ITPR2: variants seen among roughly 807,000 people sequenced by gnomAD.
The protein encoded by ITPR2 is inositol 1,4,5-trisphosphate receptor type 2, also known as inositol 1,4,5-trisphosphate-gated calcium channel ITPR2.
ITPR2 carries 207 observed loss-of-function variants against 317.1 expected under a neutral mutation model. The observed-to-expected ratio is 0.65, with a 90% CI of 0.58 to 0.73. The LOEUF is 0.73. Among genes scored for constraint, ITPR2 ranks in the 30% least tolerant of loss-of-function variants. The pLI is 0.00. For missense variants in ITPR2, 2,613 were observed against 3,284.0 expected, an observed-to-expected ratio of 0.80 and a Z score of 4.99; for synonymous variants, 1,156 against 1,149.1, an observed-to-expected ratio of 1.01 and a Z score of -0.12.
At chr12:26,599,935 C>G (rs897308051) in intron 29 of ITPR2, 52 bp downstream of exon 29, 1 of 1,423,864 alleles carries the variant, frequency 7.0e-7, no homozygotes, top group African/African-American at 1.4e-5. Context: ...GTTACTGAGA[C>G]AAATTTGATG....
Position 26,655,754 on chromosome 12 carries a change from T to C in ITPR2, c.2543A>G (p.Gln848Arg). 3 of 1,613,484 alleles carry C rather than the reference T, an allele frequency of 1.9e-6. No individual in the cohort carries two copies. Among genetic ancestry groups the C allele is most frequent in the Non-Finnish European group, 2.5e-6 (3 of 1,179,616 alleles). Residue 848 changes from glutamine to arginine, a missense_variant, in exon 20 of 57, where the codon CAG becomes CGG. Physicochemically the swap from Gln to Arg is conservative, Grantham distance 43. Around this residue, in one of 9 missense-constraint regions of ITPR2, gnomAD observed 817 missense variants for 897.6 expected, o/e 0.91. Coordinates refer to ENST00000381340, the MANE Select transcript of ITPR2 (RefSeq NM_002223.4). ...VEEYLKEVVNQPFPFGDKEKN... is the reference protein window; with the variant it reads ...VEEYLKEVVNRPFPFGDKEKN... The stretch of plus-strand genomic sequence containing the variant: ...TTCTTTATCCCCAAAAGGAAAGGGC[T>C]GGTTTACAACTTCTTTCAAATATTC...
intron 13 of ITPR2, among the ~76,000 whole-genome samples, chr12:26,668,558 TC>T (rs1037110420): frequency 3.3e-5 from 5 of 151,640 alleles, no homozygotes; most frequent in African/African-American, 1.2e-4. Flanking sequence ...AAAACAAAAA[TC>T]TCCCACCTAA....
intron 55 of ITPR2, among the ~76,000 whole-genome samples, chr12:26,362,526 T>C (rs1938866444): frequency 6.6e-6 from 1 of 152,156 alleles, no homozygotes; most frequent in African/African-American, 2.4e-5. Flanking sequence ...TTACTGTCTA[T>C]CTCTTCCTCA....
intron 5 of ITPR2, among the ~76,000 whole-genome samples, chr12:26,719,095 G>A (rs1482717450): frequency 6.6e-6 from 1 of 152,080 alleles, no homozygotes; most frequent in African/African-American, 2.4e-5. Flanking sequence ...AATAAAACTT[G>A]CAAGTGAAAT....
intron 45 of ITPR2, among the ~76,000 whole-genome samples, chr12:26,447,202 A>G (rs1307310037): frequency 6.6e-6 from 1 of 152,102 alleles, no homozygotes; most frequent in Non-Finnish European, 1.5e-5. Context: ...ACATATATTT[A>G]TGCGTTTAAG....
rs1322001041 is a variant in ITPR2, at chr12:26,541,273, C to T, written c.5073+8974G>A. Among the ~76,000 whole-genome samples, 4 of 151,958 alleles carry T rather than the reference C, an allele frequency of 2.6e-5. No individual in the cohort carries two copies. In the East Asian group the frequency reaches 5.8e-4, roughly 22 times the overall value. On this transcript the variant is annotated intron_variant, in intron 37 of 56. Coordinates refer to ENST00000381340, the MANE Select transcript of ITPR2 (RefSeq NM_002223.4). ...CAGAGGTTGCAGTGAGCTGAGATCA[C>T]GCCATTGCACTCCAGCATGGGTGAC... is the stretch of plus-strand genomic sequence containing the variant.
intron 2 of ITPR2, among the ~76,000 whole-genome samples, chr12:26,784,260 CCT>C (rs1184412975): frequency 9.4e-4 from 4 of 4,238 alleles, no homozygotes; most frequent in Admixed American, 2.2e-3. Flanking sequence ...GGAGAATCTC[CCT>C]CTCCCTCTCC....
At chr12:26,590,867 G>A (rs552446370) in intron 32 of ITPR2, among the ~76,000 whole-genome samples, 3 of 152,204 alleles carry the variant, frequency 2.0e-5, no homozygotes, top group South Asian at 4.1e-4. Flanking sequence ...ATCACTTGAG[G>A]TCAGGAGTTC....
At chr12:26,535,217 C>T (rs1029130915) in intron 37 of ITPR2, among the ~76,000 whole-genome samples, 1 of 152,122 alleles carries the variant, frequency 6.6e-6, no homozygotes, top group African/African-American at 2.4e-5. Flanking sequence ...TTAAAATATG[C>T]TGAATTACTT....
Position 26,663,467 on chromosome 12 carries a change from T to C in ITPR2, c.1713+218A>G, listed in dbSNP as rs114587470. Among the ~76,000 whole-genome samples the C allele has an allele frequency of 1.1e-3, 168 of 152,296 alleles. 1 individual carries two copies. Among genetic ancestry groups the C allele is most frequent in the African/African-American group, 3.7e-3 (152 of 41,566 alleles). Reference sequence around the variant, plus strand: ...CAGGCACATATTAGTACTCAGGACATCCTCCCCCAGTGATTCTAATTTCAT... The same window carrying C: ...CAGGCACATATTAGTACTCAGGACACCCTCCCCCAGTGATTCTAATTTCAT... On this transcript the variant is annotated intron_variant, in intron 15 of 56. Transcript: ENST00000381340.
chr12:26,546,562 T>C (rs1021685895), intron 37 of ITPR2, among the ~76,000 whole-genome samples: 1 of 152,180 alleles, frequency 6.6e-6, no homozygotes, highest in Admixed American at 6.5e-5. Flanking sequence ...TTAAAATTCA[T>C]ATGGAACCAA....
intron 37 of ITPR2, chr12:26,495,593 T>C: frequency 5.9e-6 from 1 of 170,310 alleles, no homozygotes; most frequent in East Asian, 1.6e-4. Context: ...TTTTTGAATG[T>C]CAATTAATCA....
At chr12:26,780,345 A>G (rs968311549) in intron 2 of ITPR2, among the ~76,000 whole-genome samples, 2 of 152,024 alleles carry the variant, frequency 1.3e-5, no homozygotes, top group African/African-American at 4.8e-5. Flanking sequence ...ATAGACACTT[A>G]CTCCAGATAT....
In ITPR2 at chr12:26,419,168, C is replaced by T. The variant is rs1940814167; in HGVS notation, c.6991G>A (p.Gly2331Ser). The change falls in exon 50 of 57, where the codon GGC (glycine) becomes AGC (serine). Residue 2331 changes from glycine to serine, a missense_variant. By Grantham distance (56) the Gly-to-Ser change is moderately conservative. Coordinates refer to ENST00000381340, the MANE Select transcript of ITPR2 (RefSeq NM_002223.4). The stretch of plus-strand genomic sequence containing the variant: ...GCTCGGTACCCACGGGTGAACGTGC[C>T]ACGATTTCCAACAAAACTCACCAGA... ...VFLVSFVGNR[G>S]TFTRGYRAVI... 2.5e-6 allele frequency: 4 copies of T among 1,613,568 alleles called. No individual in the cohort carries two copies. The highest frequency in any genetic ancestry group is 3.4e-6 in the Non-Finnish European group (4 of 1,179,770).
intron 13 of ITPR2, among the ~76,000 whole-genome samples, chr12:26,670,924 C>T (rs557332754): frequency 1.3e-5 from 2 of 151,932 alleles, no homozygotes; most frequent in South Asian, 2.1e-4. Flanking sequence ...GGAGCCAATG[C>T]GATCAACTGG....
At chr12:26,538,996 A>G (rs7956774) in intron 37 of ITPR2, among the ~76,000 whole-genome samples, 88,277 of 152,044 alleles carry the variant, frequency 0.58, 28,941 homozygotes, top group Non-Finnish European at 0.76. Context: ...ACACAGACAC[A>G]TTGTTACCTT....
chr12:26,387,882 T>C (rs894613857), intron 54 of ITPR2, among the ~76,000 whole-genome samples: 1 of 152,068 alleles, frequency 6.6e-6, no homozygotes, highest in African/African-American at 2.4e-5. Context: ...TACAGCCATA[T>C]CAAAATTTTC....
intron 37 of ITPR2, among the ~76,000 whole-genome samples, chr12:26,514,712 A>C (rs1258470465): frequency 1.3e-5 from 2 of 152,256 alleles, no homozygotes; most frequent in African/African-American, 4.8e-5. Flanking sequence ...GTATGTTAAA[A>C]GGAAAATTAA....
chr12:26,355,336 G>A (rs1938603403), intron 55 of ITPR2, among the ~76,000 whole-genome samples: 2 of 152,220 alleles, frequency 1.3e-5, no homozygotes, highest in Admixed American at 1.3e-4. Flanking sequence ...GACATTAGGT[G>A]AAAGACTGCT....
Sources: gnomAD v4.1 joint callset for allele counts (sites outside exome capture counted in the v4.1 genomes callset) on GRCh38, gnomAD v4.1.1 for gene constraint, gnomAD v4.1.1 regional missense constraint, MANE v1.5 for transcripts, NCBI Gene and HGNC (gene_info 2026-07-23, HGNC 2026-07-21) for gene names.